ZNF202: variants seen among roughly 807,000 people sequenced by gnomAD.
ZNF202 encodes zinc finger protein with KRAB and SCAN domains 10.
ZNF202 carries 22 observed loss-of-function variants against 54.5 expected under a neutral mutation model. The ratio of observed to expected loss-of-function variants is 0.40; its 90% CI spans 0.29 to 0.58. The LOEUF (loss-of-function observed/expected upper bound fraction) is 0.58. Among genes scored for constraint, ZNF202 ranks in the 20% least tolerant of loss-of-function variants. The probability of loss-of-function intolerance (pLI) is 0.39; values close to 1 mark genes in which losing one functional copy is unlikely to be tolerated. For synonymous variants in ZNF202, 294 were observed against 301.4 expected (o/e 0.98, Z 0.26); for missense variants, 644 against 805.5 (o/e 0.80, Z 2.43).
intron 3 of ZNF202, among the ~76,000 whole-genome samples, chr11:123,733,510 T>C (rs1038285465): frequency 2.6e-5 from 4 of 152,192 alleles, no homozygotes; most frequent in Non-Finnish European, 5.9e-5. Context: ...TGTGAGCCCC[T>C]TGAATGTAAT....
chr11:123,735,635 C>A (rs1287002104), intron 3 of ZNF202, among the ~76,000 whole-genome samples: 2 of 152,138 alleles, frequency 1.3e-5, no homozygotes, highest in East Asian at 1.9e-4. Flanking sequence ...GAAACTGGAG[C>A]TTCCCTGAGG....
Position 123,728,210 on chromosome 11 carries a change from C to T in ZNF202, c.755G>A (p.Ser252Asn), listed in dbSNP as rs142509253. The T allele has an allele frequency of 1.7e-4, 270 of 1,613,078 alleles. No homozygotes were observed. Among genetic ancestry groups the T allele is most frequent in the Non-Finnish European group, 2.3e-4 (267 of 1,179,452 alleles). ...CTCTTTCTGTGTTGGGTCCAGATCA[C>T]TCCACTGGTCCTGGGAAAAGCATAC... Reference protein sequence around the residue: ...VAVCFSQDQWSDLDPTQKEFY... With the variant: ...VAVCFSQDQWNDLDPTQKEFY... The change falls in exon 7 of 9, where the codon AGT becomes AAT. Residue 252 changes from serine to asparagine, a missense_variant. By Grantham distance (46) the Ser-to-Asn change is conservative. Transcript: ENST00000530393.
chr11:123,729,008 T>A (rs1017803218), intron 6 of ZNF202, 118 bp downstream of exon 6: 1 of 965,620 alleles, frequency 1.0e-6, no homozygotes, highest in African/African-American at 1.6e-5. Context: ...CCTGCAGAAC[T>A]GTGAGCTTAA....
At position 123,726,662 on chromosome 11, in the gene ZNF202, T is replaced by TA; in HGVS notation, c.1281dup (p.Met428TyrfsTer45). On this transcript the variant is annotated frameshift_variant, in exon 9 of 9. Coordinates refer to ENST00000530393, the MANE Select transcript of ZNF202 (RefSeq NM_003455.4). LOFTEE classifies it high-confidence loss of function. The surrounding 1 kb of genome is among the most constrained non-coding windows in gnomAD (Gnocchi z 6.0). ...CGTGTGTAACTTTTTCCACATTCCA[T>TA]ACATTTATAGGGTTTCTCTCCTGTG... 6.2e-7 allele frequency: 1 copy of TA among 1,614,174 alleles called. No individual in the cohort carries two copies. The highest frequency in any genetic ancestry group is 8.5e-7 in the Non-Finnish European group (1 of 1,180,040).
chr11:123,729,561 C>T (rs1403941670), intron 5 of ZNF202, 54 bp downstream of exon 5: 1 of 1,453,156 alleles, frequency 6.9e-7, no homozygotes, highest in Non-Finnish European at 9.1e-7. Context: ...GAGAAATGTC[C>T]CCCTCCTTGC....
chr11:123,730,730 G>C lies in ZNF202; in HGVS notation c.159C>G (p.Arg53=). ...CTCTAGGGCTTGCTGCCTCCTGGTA[G>C]CGGAAGCGTCGGAAGTTCTGGTGGG... ...ETSHQNFRRF[R]YQEAASPREA... Residue 53 remains arginine, a synonymous_variant, in exon 4 of 9, where the codon CGC becomes CGG. Transcript: ENST00000530393. The surrounding 1 kb of genome is among the most constrained non-coding windows in gnomAD (Gnocchi z 6.0). The C allele has an allele frequency of 6.2e-7, 1 of 1,614,246 alleles. No individual in the cohort carries two copies. The highest frequency in any genetic ancestry group is 1.1e-5 in the South Asian group (1 of 91,090).
intron 3 of ZNF202, among the ~76,000 whole-genome samples, chr11:123,735,291 C>A (rs1370447875): frequency 6.6e-6 from 1 of 152,092 alleles, no homozygotes. Flanking sequence ...CAAGAGATTC[C>A]ACAGTATGGA....
chr11:123,732,661 G>A (rs530897799), intron 3 of ZNF202, among the ~76,000 whole-genome samples: 6 of 152,250 alleles, frequency 3.9e-5, no homozygotes, highest in Admixed American at 1.3e-4. Flanking sequence ...ATATTACATA[G>A]CCATCGCTCA....
chr11:123,734,400 T>C (rs1240081826), intron 3 of ZNF202, among the ~76,000 whole-genome samples: 25 of 152,224 alleles, frequency 1.6e-4, no homozygotes, highest in Non-Finnish European at 7.3e-5. Context: ...GCCACTCCCA[T>C]TGAAAGCCAC....
At position 123,729,184 on chromosome 11, in the gene ZNF202, G is replaced by A. The variant is rs759407294; in HGVS notation, c.644C>T (p.Pro215Leu). The change falls in exon 6 of 9, where the codon CCT (proline) becomes CTT (leucine). Residue 215 changes from proline (P) to leucine (L), a missense_variant. Physicochemically the swap from Pro to Leu is moderately conservative, Grantham distance 98 (BLOSUM62 -3). Coordinates refer to ENST00000530393, the MANE Select transcript of ZNF202 (RefSeq NM_003455.4). ...TGAGTCTCCAGAGCTCCTCTCTGCA[G>A]GAAGGTCTGGGTCCTCGGGCACTGG... ...EVPVPEDPDL[P>L]AERSSGDSEM... The A allele has an allele frequency of 6.2e-7, 1 of 1,613,848 alleles. No individual in the cohort carries two copies. The highest frequency in any genetic ancestry group is 8.5e-7 in the Non-Finnish European group (1 of 1,180,008).
rs1240650933 is a variant in ZNF202 at position 123,730,449 on chromosome 11, C to T, written c.402+38G>A. ...AATCCAGCCTTCCAGCAAATAGTCC[C>T]CCTCCACATCACACAGATCAGGACT... is the stretch of plus-strand genomic sequence containing the variant. On this transcript the variant is annotated intron_variant, in intron 4 of 8. Coordinates refer to ENST00000530393, the MANE Select transcript of ZNF202 (RefSeq NM_003455.4). The surrounding 1 kb of genome is among the most constrained non-coding windows in gnomAD (Gnocchi z 6.0). The T allele has an allele frequency of 2.0e-6, 3 of 1,487,892 alleles. No homozygotes were observed. Among genetic ancestry groups the T allele is most frequent in the Non-Finnish European group, 2.7e-6 (3 of 1,120,016 alleles). The allele number at this position is 1,487,892 out of a possible 1,614,324, so 92.2% of individuals were successfully genotyped here.
chr11:123,728,088 A>G, intron 7 of ZNF202, 45 bp downstream of exon 7: 3 of 1,575,916 alleles, frequency 1.9e-6, no homozygotes, highest in Non-Finnish European at 1.7e-6. Context: ...AGCAGGAAAA[A>G]GATCTCTGGG....
At chr11:123,732,594 GA>G (rs1861458322) in intron 3 of ZNF202, among the ~76,000 whole-genome samples, 1 of 152,100 alleles carries the variant, frequency 6.6e-6, no homozygotes, top group East Asian at 1.9e-4. Flanking sequence ...GACATAGTTA[GA>G]AATCACCTAA....
chr11:123,724,546 C>T lies in ZNF202; in HGVS notation c.*1451G>A, dbSNP rs1861042338. ...CATTATGAGATAGAGGAGAAGAAACCAGGCACAGAAGACTCTCCCTGTCAT... is the reference window on the plus strand; with the variant it reads ...CATTATGAGATAGAGGAGAAGAAACTAGGCACAGAAGACTCTCCCTGTCAT... On this transcript the variant is annotated 3_prime_UTR_variant, in exon 9 of 9. Transcript: ENST00000530393. 6.6e-6 allele frequency: 1 copy of T among 152,076 alleles called. No homozygotes were observed. The highest frequency in any genetic ancestry group is 2.1e-4 in the South Asian group (1 of 4,800). The allele number at this position is 152,076 out of a possible 1,614,324, so 9.4% of individuals were successfully genotyped here.
chr11:123,731,666 C>A (rs1861411999), intron 3 of ZNF202, among the ~76,000 whole-genome samples: 1 of 152,184 alleles, frequency 6.6e-6, no homozygotes, highest in African/African-American at 2.4e-5. Flanking sequence ...ATGCCAGTTT[C>A]TCTGTCTATA....
chr11:123,733,296 A>C (rs1194542000), intron 3 of ZNF202, among the ~76,000 whole-genome samples: 1 of 152,142 alleles, frequency 6.6e-6, no homozygotes, highest in East Asian at 1.9e-4. Flanking sequence ...TGCTCTTATG[A>C]CATTTTTTTC....
intron 6 of ZNF202, among the ~76,000 whole-genome samples, chr11:123,728,815 T>C (rs1861271068): frequency 6.8e-6 from 1 of 146,828 alleles, no homozygotes; most frequent in South Asian, 2.3e-4. Context: ...TCAAATTTAT[T>C]CCTTTAAAAA....
chr11:123,728,089 G>A (rs774569600), intron 7 of ZNF202, 44 bp downstream of exon 7: 2 of 1,578,598 alleles, frequency 1.3e-6, no homozygotes, highest in Non-Finnish European at 1.7e-6. Flanking sequence ...GCAGGAAAAA[G>A]ATCTCTGGGC....
In ZNF202 at chr11:123,730,781, C is replaced by G. The variant is rs1565525067; in HGVS notation, c.108G>C (p.Gln36His). 6.2e-7 allele frequency: 1 copy of G among 1,614,212 alleles called. No homozygotes were observed. ...AGGTTTCCAGCACCGGGTCATCCCT[C>G]TGTAAGACAGACTCTGGCCGACAGG... Reference protein sequence around the residue: ...DFTCRPESVLQRDDPVLETSH... With the variant: ...DFTCRPESVLHRDDPVLETSH... The change falls in exon 4 of 9, where the codon CAG becomes CAC. Residue 36 changes from glutamine to histidine, a missense_variant. Physicochemically the swap from Gln to His is conservative, Grantham distance 24. Transcript: ENST00000530393. The surrounding 1 kb of genome is among the most constrained non-coding windows in gnomAD (Gnocchi z 6.0).
Sources: gnomAD v4.1 joint callset for allele counts (sites outside exome capture counted in the v4.1 genomes callset) on GRCh38, gnomAD v4.1.1 for gene constraint, Gnocchi (gnomAD v3.1) non-coding constraint, MANE v1.5 for transcripts, NCBI Gene and HGNC (gene_info 2026-07-23, HGNC 2026-07-21) for gene names.